Variants in XIRP2 observed in about 807,000 individuals in gnomAD.
XIRP2 encodes the protein xin actin-binding repeat-containing protein 2.
XIRP2 carries 236 observed loss-of-function variants against 277.0 expected under a neutral mutation model. That is an observed-to-expected ratio of 0.85 (90% CI 0.77 to 0.95). The LOEUF (loss-of-function observed/expected upper bound fraction) is 0.95, where lower values mean the gene tolerates loss of function less well. XIRP2 is among the 40% of genes least tolerant of loss of function. The pLI, the probability that XIRP2 is intolerant of heterozygous loss-of-function variation, is 0.00. For synonymous variants in XIRP2, 1,490 were observed against 1,416.5 expected, an observed-to-expected ratio of 1.05 and a Z score of -1.17; for missense variants, 4,640 against 4,157.5, an observed-to-expected ratio of 1.12 and a Z score of -3.19.
intron 3 of XIRP2, among the ~76,000 whole-genome samples, chr2:167,136,476 C>A (rs1383045510): frequency 6.6e-6 from 1 of 152,156 alleles, no homozygotes; most frequent in Admixed American, 6.5e-5. Flanking sequence ...ATGCCTTAAG[C>A]ATCTCCTTTT....
At chr2:166,925,416 C>T (rs555966442) in intron 2 of XIRP2, among the ~76,000 whole-genome samples, 121 of 151,646 alleles carry the variant, frequency 8.0e-4, no homozygotes, top group African/African-American at 2.8e-3. Context: ...GTTTGTATTG[C>T]TTTTTAGTTT....
chr2:167,088,600 T>C (rs1477016938), intron 2 of XIRP2, among the ~76,000 whole-genome samples: 1 of 152,178 alleles, frequency 6.6e-6, no homozygotes, highest in Admixed American at 6.5e-5. Context: ...AATCTTAATT[T>C]GGCCATAACA....
chr2:167,160,775 A>G (rs530533953), intron 3 of XIRP2, among the ~76,000 whole-genome samples: 2 of 152,270 alleles, frequency 1.3e-5, no homozygotes, highest in Admixed American at 1.3e-4. Flanking sequence ...ATGTCCTCAC[A>G]TTTCAAAACC....
intron 3 of XIRP2, among the ~76,000 whole-genome samples, chr2:167,174,268 A>G (rs939949469): frequency 6.6e-6 from 1 of 152,170 alleles, no homozygotes. Context: ...TTGGTAGGCT[A>G]TTAATTACTG....
chr2:166,894,344 G>A (rs1455759808), intron 1 of XIRP2, among the ~76,000 whole-genome samples: 1 of 152,036 alleles, frequency 6.6e-6, no homozygotes, highest in Non-Finnish European at 1.5e-5. Flanking sequence ...TGGCAGGAAC[G>A]TGAAATAAAC....
Position 167,247,670 on chromosome 2 carries a change from T to A in XIRP2, c.6278T>A (p.Leu2093Gln). The A allele has an allele frequency of 6.2e-7, 1 of 1,613,544 alleles. No homozygotes were observed. Among genetic ancestry groups the A allele is most frequent in the Admixed American group, 1.7e-5 (1 of 59,934 alleles). The stretch of plus-strand genomic sequence containing the variant: ...TCAACTGTGTCAGTTAAGAATAATC[T>A]AACAACTAAAGAATCAGACAGGGCA... ...LTSTVSVKNN[L>Q]TTKESDRAVR... The change falls in exon 9 of 11, where the codon CTA (leucine) becomes CAA (glutamine). Residue 2093 changes from leucine to glutamine, a missense_variant. Physicochemically the swap from Leu to Gln is moderately radical, Grantham distance 113 (BLOSUM62 -2). Coordinates refer to ENST00000409195, the MANE Select transcript of XIRP2 (RefSeq NM_152381.6).
chr2:166,895,183 A>T (rs930528079), intron 1 of XIRP2, among the ~76,000 whole-genome samples: 4 of 152,206 alleles, frequency 2.6e-5, no homozygotes, highest in African/African-American at 9.6e-5. Flanking sequence ...TACTTTAATT[A>T]GAAGCAAAAC....
intron 2 of XIRP2, among the ~76,000 whole-genome samples, chr2:167,118,530 A>T (rs894924617): frequency 6.6e-6 from 1 of 150,740 alleles, no homozygotes; most frequent in Non-Finnish European, 1.5e-5. Flanking sequence ...AAAATAAAAT[A>T]AAATAGCTTG....
rs775760612 is a variant in XIRP2, at chr2:167,259,249, T to C, written c.*1432T>C. The C allele has an allele frequency of 4.3e-6, 7 of 1,613,424 alleles. No individual in the cohort carries two copies. The South Asian group carries it at 6.6e-5, about 15-fold the overall frequency. On this transcript the variant is annotated 3_prime_UTR_variant, in exon 11 of 11. Coordinates refer to ENST00000409195, the MANE Select transcript of XIRP2 (RefSeq NM_152381.6). Reference sequence around the variant, plus strand: ...ATAATGAAAACACAGGTTTTGATGCTCTGAGCCATGAATGTACAGCTAAGC... The same window carrying C: ...ATAATGAAAACACAGGTTTTGATGCCCTGAGCCATGAATGTACAGCTAAGC...
chr2:167,090,347 T>C (rs1690104465), intron 2 of XIRP2, among the ~76,000 whole-genome samples: 1 of 152,170 alleles, frequency 6.6e-6, no homozygotes, highest in Non-Finnish European at 1.5e-5. Flanking sequence ...GACATTATTA[T>C]TTTTATTTTA....
intron 3 of XIRP2, among the ~76,000 whole-genome samples, chr2:167,190,086 A>G (rs1008365915): frequency 5.9e-5 from 9 of 152,206 alleles, no homozygotes; most frequent in Non-Finnish European, 1.2e-4. Flanking sequence ...AGGGCAAGGT[A>G]TGGCATTAAA....
At chr2:167,006,109 T>C (rs1687496351) in intron 2 of XIRP2, among the ~76,000 whole-genome samples, 1 of 151,816 alleles carries the variant, frequency 6.6e-6, no homozygotes, top group Non-Finnish European at 1.5e-5. Context: ...TCTACCATGG[T>C]GCCTGGCAAG....
intron 2 of XIRP2, among the ~76,000 whole-genome samples, chr2:167,114,743 C>A (rs550271056): frequency 0.014 from 2,190 of 151,770 alleles, 57 homozygotes; most frequent in African/African-American, 0.051. Flanking sequence ...ATGATTTCCA[C>A]TCTCATCCAT....
In XIRP2 at chr2:167,250,871, C is replaced by T. The variant is rs1348177382; in HGVS notation, c.9479C>T (p.Ser3160Leu). ...GAACCCCCACCAAGAAGGCCCATGT[C>T]GCAAAAATCTGAAATTCACAGAGCA... ...YVEPPPRRPMSQKSEIHRANT... is the reference protein window; with the variant it reads ...YVEPPPRRPMLQKSEIHRANT... Residue 3160 changes from serine to leucine, a missense_variant, in exon 9 of 11, where the codon TCG becomes TTG. Transcript: ENST00000409195. 1.9e-6 allele frequency: 3 copies of T among 1,613,276 alleles called. No homozygotes were observed. The highest frequency in any genetic ancestry group is 1.6e-4 in the Middle Eastern group (1 of 6,076).
chr2:167,115,052 G>T (rs1303158393), intron 2 of XIRP2, among the ~76,000 whole-genome samples: 1 of 152,146 alleles, frequency 6.6e-6, no homozygotes, highest in Non-Finnish European at 1.5e-5. Context: ...CTAGTTTACA[G>T]TCCCACCAAC....
intron 3 of XIRP2, among the ~76,000 whole-genome samples, chr2:167,158,956 C>T (rs1008520276): frequency 2.6e-5 from 4 of 152,074 alleles, no homozygotes; most frequent in Admixed American, 2.6e-4. Context: ...AAGAAGCAGA[C>T]ACTACCTCTG....
At chr2:167,079,126 T>C (rs1452748312) in intron 2 of XIRP2, among the ~76,000 whole-genome samples, 1 of 152,218 alleles carries the variant, frequency 6.6e-6, no homozygotes, top group Non-Finnish European at 1.5e-5. Context: ...ACGTACAGTT[T>C]TTGTTTCTAA....
intron 3 of XIRP2, among the ~76,000 whole-genome samples, chr2:167,145,790 T>C (rs1356381379): frequency 1.3e-5 from 2 of 152,302 alleles, no homozygotes; most frequent in African/African-American, 4.8e-5. Flanking sequence ...AGATTCTTTA[T>C]GTTGCAGAGT....
Position 167,259,227 on chromosome 2 carries a change from A to G in XIRP2, c.*1410A>G. ...GAAACAACAGAAGCTGCCCGCAATAATGAAAACACAGGTTTTGATGCTCTG... is the reference window on the plus strand; with the variant it reads ...GAAACAACAGAAGCTGCCCGCAATAGTGAAAACACAGGTTTTGATGCTCTG... On this transcript the variant is annotated 3_prime_UTR_variant, in exon 11 of 11. Transcript: ENST00000409195. 1 of 1,613,448 alleles carries G rather than the reference A, an allele frequency of 6.2e-7. No homozygotes were observed. Among genetic ancestry groups the G allele is most frequent in the Middle Eastern group, 1.7e-4 (1 of 6,056 alleles).
Sources: gnomAD v4.1 joint callset for allele counts (sites outside exome capture counted in the v4.1 genomes callset) on GRCh38, gnomAD v4.1.1 for gene constraint, MANE v1.5 for transcripts, NCBI Gene and HGNC (gene_info 2026-07-23, HGNC 2026-07-21) for gene names.